The following COL14A1 variants were observed in gnomAD, a reference collection of about 807,000 sequenced individuals.
The protein encoded by COL14A1 is collagen type XIV alpha 1 chain.
COL14A1 carries 136 observed loss-of-function variants against 230.3 expected under a neutral mutation model. The ratio of observed to expected loss-of-function variants is 0.59; its 90% CI spans 0.51 to 0.68. The LOEUF (loss-of-function observed/expected upper bound fraction) is 0.68, where lower values mean the gene tolerates loss of function less well. Among genes scored for constraint, COL14A1 ranks in the 30% least tolerant of loss-of-function variants. COL14A1 has a pLI of 0.00. For synonymous variants in COL14A1, 792 were observed against 784.1 expected (o/e 1.01, Z -0.17); for missense variants, 1,976 against 2,215.8 (o/e 0.89, Z 2.17).
At chr8:120,294,629 A>G (rs1820469908) in intron 34 of COL14A1, among the ~76,000 whole-genome samples, 1 of 151,630 alleles carries the variant, frequency 6.6e-6, no homozygotes, top group African/African-American at 2.4e-5. Flanking sequence ...CTCCTGTATA[A>G]TTTGCACAAA....
intron 5 of COL14A1, among the ~76,000 whole-genome samples, chr8:120,174,167 C>T (rs932343207): frequency 1.3e-5 from 2 of 151,982 alleles, no homozygotes; most frequent in Non-Finnish European, 1.5e-5. Context: ...TGTTAGTTTC[C>T]GTCTTATCCT....
intron 43 of COL14A1, 109 bp downstream of exon 43, chr8:120,341,469 T>G: frequency 8.6e-7 from 1 of 1,160,576 alleles, no homozygotes; most frequent in Non-Finnish European, 1.2e-6. Context: ...ATTGCAATTG[T>G]ACCAGTCTCT....
intron 40 of COL14A1, among the ~76,000 whole-genome samples, chr8:120,330,407 T>A (rs1821823276): frequency 6.6e-6 from 1 of 152,136 alleles, no homozygotes; most frequent in Non-Finnish European, 1.5e-5. Flanking sequence ...GGCTTACAGT[T>A]TCACATGGCT....
In COL14A1 at chr8:120,201,453, T is replaced by C. The variant is rs76926885; in HGVS notation, c.877+1887T>C. Among the ~76,000 whole-genome samples, 65 of 152,236 alleles carry C rather than the reference T, an allele frequency of 4.3e-4. 1 individual carries two copies. The East Asian group carries it at 0.012, about 29-fold the overall frequency. On this transcript the variant is annotated intron_variant, in intron 8 of 47. Transcript: ENST00000297848. ...AGTGGGGTATTTATTCTACAGAAATTGGCAAACACTACAAATGAGGGCAGA... is the reference window on the plus strand; with the variant it reads ...AGTGGGGTATTTATTCTACAGAAATCGGCAAACACTACAAATGAGGGCAGA...
chr8:120,338,831 G>A (rs926470614), intron 42 of COL14A1, among the ~76,000 whole-genome samples: 3 of 152,114 alleles, frequency 2.0e-5, no homozygotes, highest in Non-Finnish European at 2.9e-5. Context: ...AACTGTTTCC[G>A]TTAAGGATTA....
In COL14A1 at chr8:120,168,228, T is replaced by C. The variant is rs1461193837; in HGVS notation, c.417T>C (p.Ser139=). ...AAGTTGTGGACAGAGGAAATGGGAG[T>C]AGACCATCTTCACCAGAAGGTCAGA... ...RVKVVDRGNG[S]RPSSPEEVKF... The change falls in exon 5 of 48, where the codon AGT becomes AGC. Residue 139 remains serine, a synonymous_variant. Coordinates refer to ENST00000297848, the MANE Select transcript of COL14A1 (RefSeq NM_021110.4). 3 of 1,609,964 alleles carry C rather than the reference T, an allele frequency of 1.9e-6. No homozygotes were observed. The highest frequency in any genetic ancestry group is 2.5e-6 in the Non-Finnish European group (3 of 1,177,930).
At chr8:120,215,018 C>T (rs577218615) in intron 13 of COL14A1, among the ~76,000 whole-genome samples, 19 of 152,220 alleles carry the variant, frequency 1.2e-4, no homozygotes, top group South Asian at 8.3e-4. Context: ...GGAAAAGGCA[C>T]GGAGTAGTAG....
intron 12 of COL14A1, among the ~76,000 whole-genome samples, chr8:120,211,671 T>C (rs1003196643): frequency 6.6e-6 from 1 of 152,210 alleles, no homozygotes; most frequent in Non-Finnish European, 1.5e-5. Flanking sequence ...TATATTATTT[T>C]CTGTAAGTTT....
intron 42 of COL14A1, among the ~76,000 whole-genome samples, chr8:120,334,015 C>T (rs1022474077): frequency 2.6e-5 from 4 of 152,190 alleles, no homozygotes; most frequent in Admixed American, 1.3e-4. Context: ...CATAAGGTAA[C>T]ATATTCACAG....
At chr8:120,289,545 A>G (rs1025371255) in intron 33 of COL14A1, 63 bp from the exon 34 acceptor site, 1 of 1,381,172 alleles carries the variant, frequency 7.2e-7, no homozygotes, top group East Asian at 2.3e-5. Context: ...TCATACAATT[A>G]TACAAATTTG....
intron 45 of COL14A1, among the ~76,000 whole-genome samples, chr8:120,366,915 A>G (rs1823422115): frequency 6.6e-6 from 1 of 152,230 alleles, no homozygotes; most frequent in Non-Finnish European, 1.5e-5. Context: ...TGACTTCAGT[A>G]GGAAGGAGAA....
At chr8:120,336,091 G>A (rs925809281) in intron 42 of COL14A1, among the ~76,000 whole-genome samples, 68 of 152,178 alleles carry the variant, frequency 4.5e-4, no homozygotes, top group African/African-American at 1.6e-3. Flanking sequence ...TTACATGGTG[G>A]GGAGGGGTTG....
chr8:120,126,728 G>A (rs946765000), intron 1 of COL14A1, among the ~76,000 whole-genome samples: 1 of 152,166 alleles, frequency 6.6e-6, no homozygotes, highest in Admixed American at 6.5e-5. Flanking sequence ...GTGAAGGACC[G>A]GTGTTCTGTT....
intron 19 of COL14A1, among the ~76,000 whole-genome samples, chr8:120,235,568 C>G (rs988775384): frequency 6.6e-6 from 1 of 152,026 alleles, no homozygotes; most frequent in Non-Finnish European, 1.5e-5. Context: ...AAAAAACAAG[C>G]TCCTGGATTC....
chr8:120,275,686 T>A lies in COL14A1; in HGVS notation c.3214-2425T>A, dbSNP rs543682591. On this transcript the variant is annotated intron_variant, in intron 26 of 47. Coordinates refer to ENST00000297848, the MANE Select transcript of COL14A1 (RefSeq NM_021110.4). The stretch of plus-strand genomic sequence containing the variant: ...ATGGGAAAATGGCATGAATAAACAT[T>A]TCTCAAAAGAAGATACACAAATGGC... Among the ~76,000 whole-genome samples the A allele has an allele frequency of 6.6e-5, 10 of 152,036 alleles. No homozygotes were observed. The South Asian group carries it at 2.1e-3, about 32-fold the overall frequency.
intron 1 of COL14A1, among the ~76,000 whole-genome samples, chr8:120,142,047 T>C (rs1814932839): frequency 2.0e-5 from 3 of 152,162 alleles, no homozygotes; most frequent in Admixed American, 1.3e-4. Context: ...ATGTCTAATG[T>C]AAGTCTCCTG....
At chr8:120,193,617 C>A (rs1202082315) in intron 5 of COL14A1, among the ~76,000 whole-genome samples, 2 of 152,184 alleles carry the variant, frequency 1.3e-5, no homozygotes, top group East Asian at 1.9e-4. Flanking sequence ...GAGGTTACTG[C>A]TGTCTTTTTG....
At chr8:120,366,727 G>T (rs1353536620) in intron 45 of COL14A1, among the ~76,000 whole-genome samples, 1 of 152,222 alleles carries the variant, frequency 6.6e-6, no homozygotes, top group African/African-American at 2.4e-5. Context: ...ACGCTCTTCA[G>T]AATGTTGCTG....
chr8:120,335,556 C>T (rs1446133161), intron 42 of COL14A1, among the ~76,000 whole-genome samples: 2 of 152,056 alleles, frequency 1.3e-5, no homozygotes, highest in Non-Finnish European at 2.9e-5. Context: ...CAGCAGGCTC[C>T]GTGTCATGGT....
Sources: gnomAD v4.1 joint callset for allele counts (sites outside exome capture counted in the v4.1 genomes callset) on GRCh38, gnomAD v4.1.1 for gene constraint, MANE v1.5 for transcripts, NCBI Gene and HGNC (gene_info 2026-07-23, HGNC 2026-07-21) for gene names.